Variants in TCF12 observed in about 807,000 individuals in gnomAD.
TCF12 encodes the protein transcription factor 12.
TCF12 carries 45 observed loss-of-function variants against 86.0 expected under a neutral mutation model. The ratio of observed to expected loss-of-function variants is 0.52; its 90% CI spans 0.41 to 0.67. The LOEUF is 0.67. Among genes scored for constraint, TCF12 ranks in the 30% least tolerant of loss-of-function variants. TCF12 has a pLI of 0.00. For missense variants in TCF12, 881 were observed against 859.9 expected (o/e 1.02, Z -0.31); for synonymous variants, 330 against 299.6 (o/e 1.10, Z -1.05).
At chr15:57,166,185 G>A (rs1387039908) in intron 5 of TCF12, among the ~76,000 whole-genome samples, 2 of 152,188 alleles carry the variant, frequency 1.3e-5, no homozygotes, top group Non-Finnish European at 2.9e-5. Context: ...CCAAAGTGCT[G>A]AGATTACAGA....
At chr15:57,214,536 T>C (rs1299640574) in intron 8 of TCF12, 2 of 152,242 alleles carry the variant, frequency 1.3e-5, no homozygotes, top group Non-Finnish European at 2.9e-5. Flanking sequence ...GTTTTGTTAA[T>C]CATTAAGCAT....
chr15:57,136,236 A>G (rs527319009), intron 5 of TCF12, among the ~76,000 whole-genome samples: 15 of 152,358 alleles, frequency 9.8e-5, no homozygotes, highest in Non-Finnish European at 1.8e-4. Context: ...CATCTTTGCA[A>G]GTTTATTTTG....
chr15:56,959,197 T>C (rs1450132703), intron 3 of TCF12, among the ~76,000 whole-genome samples: 2 of 152,260 alleles, frequency 1.3e-5, no homozygotes, highest in African/African-American at 4.8e-5. Context: ...TACTTGTTTA[T>C]TTAAAAATAT....
At position 57,046,379 on chromosome 15, in the gene TCF12, T is replaced by G. The variant is rs1253516343; in HGVS notation, c.149-17371T>G. Among the ~76,000 whole-genome samples the G allele has an allele frequency of 2.6e-5, 4 of 152,176 alleles. No homozygotes were observed. The East Asian group carries it at 7.7e-4, about 29-fold the overall frequency. ...ACTTGAAGAGAAACTCAGACACTAGTTTGAGAAATTGGGTATGGAAGGACA... is the reference window on the plus strand; with the variant it reads ...ACTTGAAGAGAAACTCAGACACTAGGTTGAGAAATTGGGTATGGAAGGACA... On this transcript the variant is annotated intron_variant, in intron 3 of 20. Coordinates refer to ENST00000333725, the MANE Select transcript of TCF12 (RefSeq NM_207037.2).
intron 3 of TCF12, among the ~76,000 whole-genome samples, chr15:57,053,543 G>T (rs2067781356): frequency 6.6e-6 from 1 of 151,324 alleles, no homozygotes; most frequent in African/African-American, 2.4e-5. Context: ...GACAAGACCA[G>T]TGTCATGAAG....
intron 5 of TCF12, among the ~76,000 whole-genome samples, chr15:57,123,689 T>C (rs1323459588): frequency 6.6e-6 from 1 of 151,636 alleles, no homozygotes. Context: ...CAGTGGCTCA[T>C]GCCTGTAATT....
chr15:57,149,199 A>C (rs535295729), intron 5 of TCF12, among the ~76,000 whole-genome samples: 23 of 152,242 alleles, frequency 1.5e-4, no homozygotes, highest in Admixed American at 2.6e-4. Flanking sequence ...ATTTAATAAT[A>C]GCAATTTTCA....
chr15:57,180,761 T>A (rs947956497), intron 6 of TCF12, among the ~76,000 whole-genome samples: 94 of 151,530 alleles, frequency 6.2e-4, no homozygotes, highest in Non-Finnish European at 1.1e-3. Flanking sequence ...TTAAATAAAT[T>A]AATAGGTAGT....
chr15:57,105,733 A>G (rs1396365852), intron 5 of TCF12, among the ~76,000 whole-genome samples: 1 of 152,110 alleles, frequency 6.6e-6, no homozygotes, highest in East Asian at 1.9e-4. Flanking sequence ...TTAATGAGAA[A>G]CGCTGGTTTG....
intron 13 of TCF12, chr15:57,247,394 A>G: frequency 1.5e-6 from 1 of 669,310 alleles, no homozygotes; most frequent in East Asian, 2.6e-5. Flanking sequence ...AAATTGCCAG[A>G]TCTACCTCTG....
chr15:57,065,657 A>G (rs578213467), intron 4 of TCF12, among the ~76,000 whole-genome samples: 77 of 113,970 alleles, frequency 6.8e-4, no homozygotes, highest in Non-Finnish European at 6.2e-4. Context: ...AGTGCTGCAT[A>G]GGATTTTAGG....
At chr15:57,179,896 A>G (rs755504733) in intron 6 of TCF12, among the ~76,000 whole-genome samples, 1 of 152,214 alleles carries the variant, frequency 6.6e-6, no homozygotes, top group South Asian at 2.1e-4. Flanking sequence ...GTCTTAGACA[A>G]AACACTAGAG....
intron 3 of TCF12, among the ~76,000 whole-genome samples, chr15:57,056,027 C>T (rs2464430): frequency 0.57 from 86,400 of 151,618 alleles, 24,863 homozygotes; most frequent in Admixed American, 0.61. Context: ...TCTCTCATCA[C>T]GTTCACTTAC....
rs2061348208 is a variant in TCF12 at position 56,952,961 on chromosome 15, CTATGAG to C, written c.148+31868_148+31873del. ...ATCTTAGAAAGCATTAGTCTTTTAC[CTATGAG>C]TATGTTAGTTGTAGGCTTTTTTTTA... is the stretch of plus-strand genomic sequence containing the variant. On this transcript the variant is annotated intron_variant, in intron 3 of 20. Coordinates refer to ENST00000333725, the MANE Select transcript of TCF12 (RefSeq NM_207037.2). Among the ~76,000 whole-genome samples the C allele has an allele frequency of 2.6e-5, 4 of 152,124 alleles. No homozygotes were observed. The South Asian group carries it at 6.2e-4, about 24-fold the overall frequency.
chr15:57,128,472 G>A (rs1267010432), intron 5 of TCF12, among the ~76,000 whole-genome samples: 2 of 152,046 alleles, frequency 1.3e-5, no homozygotes, highest in African/African-American at 4.8e-5. Context: ...AATTCAGTGG[G>A]GTTTTTTGGT....
intron 13 of TCF12, among the ~76,000 whole-genome samples, chr15:57,244,755 C>T (rs903981796): frequency 8.6e-5 from 13 of 152,022 alleles, no homozygotes; most frequent in East Asian, 1.9e-4. Flanking sequence ...TGACCCACTG[C>T]GCCCGGCCCA....
At chr15:56,972,510 A>G (rs1396660804) in intron 3 of TCF12, among the ~76,000 whole-genome samples, 1 of 152,202 alleles carries the variant, frequency 6.6e-6, no homozygotes, top group Non-Finnish European at 1.5e-5. Flanking sequence ...ACAGCAAACA[A>G]AGTGTAAAAG....
At chr15:56,923,681 G>A (rs2059889366) in intron 3 of TCF12, among the ~76,000 whole-genome samples, 1 of 152,092 alleles carries the variant, frequency 6.6e-6, no homozygotes, top group African/African-American at 2.4e-5. Flanking sequence ...CCTCAACTTC[G>A]GGGTTTGAGT....
intron 7 of TCF12, among the ~76,000 whole-genome samples, chr15:57,194,188 A>G (rs1486754273): frequency 6.6e-6 from 1 of 152,208 alleles, no homozygotes; most frequent in Non-Finnish European, 1.5e-5. Flanking sequence ...CAGGTTTTCT[A>G]TAAATTAAAA....
Sources: gnomAD v4.1 joint callset for allele counts (sites outside exome capture counted in the v4.1 genomes callset) on GRCh38, gnomAD v4.1.1 for gene constraint, MANE v1.5 for transcripts, NCBI Gene and HGNC (gene_info 2026-07-23, HGNC 2026-07-21) for gene names.